The following CDH12 variants were observed in gnomAD, a reference collection of about 807,000 sequenced individuals.
The protein encoded by CDH12 is cadherin 12, also known as cadherin-12.
Under a neutral mutation model 74.1 loss-of-function variants are expected in CDH12, and 41 were observed. The observed-to-expected ratio is 0.55, with a 90% CI of 0.43 to 0.72. The LOEUF is 0.72. CDH12 is among the 30% of genes least tolerant of loss of function. The pLI is 0.00. For synonymous variants in CDH12, 399 were observed against 355.0 expected (o/e 1.12, Z -1.39); for missense variants, 945 against 977.2 (o/e 0.97, Z 0.44).
At chr5:22,721,501 C>T (rs1580926094) in intron 1 of CDH12, among the ~76,000 whole-genome samples, 1 of 152,118 alleles carries the variant, frequency 6.6e-6, no homozygotes, top group African/African-American at 2.4e-5. Flanking sequence ...TTATAGGCTT[C>T]TAAGTGGAAG....
chr5:22,570,344 C>T (rs1406463456), intron 1 of CDH12, among the ~76,000 whole-genome samples: 3 of 152,052 alleles, frequency 2.0e-5, no homozygotes, highest in South Asian at 2.1e-4. Context: ...CCACTGTGCC[C>T]GGCCATGAAA....
chr5:21,892,651 G>A lies in CDH12; in HGVS notation c.527-37861C>T, dbSNP rs112545522. On this transcript the variant is annotated intron_variant, in intron 6 of 14. Transcript: ENST00000382254. ...TTTTAATAAATATATAAAGTTTTAC[G>A]TTTATAAAAATGTTTGCATCAGTTT... is the stretch of plus-strand genomic sequence containing the variant. Among the ~76,000 whole-genome samples, 855 of 151,906 alleles carry A rather than the reference G, an allele frequency of 5.6e-3. 12 individuals carry two copies. Among genetic ancestry groups the A allele is most frequent in the African/African-American group, 0.019 (803 of 41,464 alleles).
intron 1 of CDH12, among the ~76,000 whole-genome samples, chr5:22,717,237 G>A (rs141322352): frequency 3.3e-5 from 5 of 152,176 alleles, no homozygotes; most frequent in South Asian, 2.1e-4. Flanking sequence ...GCCCTATACA[G>A]GTGAACCTTT....
intron 1 of CDH12, among the ~76,000 whole-genome samples, chr5:22,834,507 G>A (rs559577405): frequency 2.0e-5 from 3 of 152,064 alleles, no homozygotes; most frequent in Admixed American, 2.0e-4. Flanking sequence ...TTTTAAAACA[G>A]GTGTAGTTTA....
rs3039460 is a variant in CDH12 at position 22,460,713 on chromosome 5, A to ATTTTTTTTTTT, written c.-428+44546_-428+44556dup. Reference sequence around the variant, plus strand: ...AGAGAACAGTTGATGATATCTAGCAATTTTTTTTTTTTTTTTTTTTTTTTT... The same window carrying ATTTTTTTTTTT: ...AGAGAACAGTTGATGATATCTAGCAATTTTTTTTTTTTTTTTTTTTTTTTTTTTTTTTTTTT... On this transcript the variant is annotated intron_variant, in intron 2 of 14. Coordinates refer to ENST00000382254, the MANE Select transcript of CDH12 (RefSeq NM_004061.5). Among the ~76,000 whole-genome samples the ATTTTTTTTTTT allele has an allele frequency of 6.0e-4, 51 of 85,606 alleles. 3 individuals are homozygous for ATTTTTTTTTTT. Among genetic ancestry groups the ATTTTTTTTTTT allele is most frequent in the African/African-American group, 2.3e-3 (46 of 19,774 alleles). 56.2% of individuals were successfully genotyped at this position (85,606 alleles called of 152,430 possible).
intron 2 of CDH12, among the ~76,000 whole-genome samples, chr5:22,467,219 C>T (rs1183508128): frequency 1.3e-5 from 2 of 152,062 alleles, no homozygotes; most frequent in African/African-American, 2.4e-5. Flanking sequence ...CTTGACAGCC[C>T]GTGAGCATGA....
chr5:21,874,575 C>T (rs1297369258), intron 6 of CDH12, among the ~76,000 whole-genome samples: 1 of 152,134 alleles, frequency 6.6e-6, no homozygotes. Flanking sequence ...AGTGGCAACC[C>T]CCTTTCAGTC....
intron 1 of CDH12, among the ~76,000 whole-genome samples, chr5:22,606,870 G>C (rs112649228): frequency 4.9e-4 from 75 of 152,248 alleles, no homozygotes; most frequent in African/African-American, 1.7e-3. Context: ...ACTTCCTAGA[G>C]GCTTGTTGAA....
intron 1 of CDH12, among the ~76,000 whole-genome samples, chr5:22,816,302 T>C (rs1017863149): frequency 1.3e-5 from 2 of 152,170 alleles, no homozygotes; most frequent in Non-Finnish European, 2.9e-5. Context: ...TAATCAACTT[T>C]CCAGAGGAAT....
intron 3 of CDH12, among the ~76,000 whole-genome samples, chr5:22,362,380 G>A (rs1740846461): frequency 6.6e-6 from 1 of 152,138 alleles, no homozygotes; most frequent in Non-Finnish European, 1.5e-5. Flanking sequence ...ACCACAATGA[G>A]ATACCATCTC....
chr5:22,602,971 AG>A (rs1366381894), intron 1 of CDH12, among the ~76,000 whole-genome samples: 1 of 152,200 alleles, frequency 6.6e-6, no homozygotes, highest in Non-Finnish European at 1.5e-5. Context: ...TACCACCTCC[AG>A]AAGAAACATA....
At chr5:21,926,367 G>A (rs1397594807) in intron 6 of CDH12, among the ~76,000 whole-genome samples, 2 of 152,186 alleles carry the variant, frequency 1.3e-5, no homozygotes, top group Admixed American at 6.6e-5. Context: ...CTAGACATTG[G>A]TGGACATTTT....
intron 1 of CDH12, among the ~76,000 whole-genome samples, chr5:22,656,117 T>C (rs1356198254): frequency 2.0e-5 from 3 of 152,176 alleles, no homozygotes; most frequent in African/African-American, 7.2e-5. Flanking sequence ...ATGTGATTAT[T>C]TTCGTAGTCC....
intron 1 of CDH12, among the ~76,000 whole-genome samples, chr5:22,678,249 A>C (rs552812052): frequency 6.6e-6 from 1 of 152,242 alleles, no homozygotes; most frequent in African/African-American, 2.4e-5. Flanking sequence ...CTTAGTGTGC[A>C]CAGGAGCATG....
intron 1 of CDH12, among the ~76,000 whole-genome samples, chr5:22,708,475 GT>G: frequency 6.6e-6 from 1 of 152,180 alleles, no homozygotes; most frequent in Non-Finnish European, 1.5e-5. Flanking sequence ...ACCACACTGA[GT>G]TTGGAGAAAT....
intron 1 of CDH12, among the ~76,000 whole-genome samples, chr5:22,689,777 T>C (rs1741987462): frequency 2.0e-5 from 3 of 152,110 alleles, no homozygotes; most frequent in Admixed American, 6.5e-5. Flanking sequence ...TTGGAAGTGA[T>C]GAAGTTTAGG....
chr5:22,466,256 C>A (rs930736584), intron 2 of CDH12, among the ~76,000 whole-genome samples: 1 of 152,124 alleles, frequency 6.6e-6, no homozygotes, highest in African/African-American at 2.4e-5. Flanking sequence ...TTCTTTTCTC[C>A]TTCGGAATAA....
chr5:22,112,843 G>A (rs1744890327), intron 4 of CDH12, among the ~76,000 whole-genome samples: 1 of 152,078 alleles, frequency 6.6e-6, no homozygotes. Flanking sequence ...CTATTTTGCA[G>A]CTAAATGTCT....
chr5:22,558,581 T>C (rs1738904386), intron 1 of CDH12, among the ~76,000 whole-genome samples: 1 of 151,264 alleles, frequency 6.6e-6, no homozygotes, highest in Non-Finnish European at 1.5e-5. Flanking sequence ...AGAGGCAACA[T>C]AAAGCCAAGA....
Sources: gnomAD v4.1 joint callset for allele counts (sites outside exome capture counted in the v4.1 genomes callset) on GRCh38, gnomAD v4.1.1 for gene constraint, MANE v1.5 for transcripts, NCBI Gene and HGNC (gene_info 2026-07-23, HGNC 2026-07-21) for gene names.